Variants in NSUN3 observed in about 807,000 individuals in gnomAD.
NSUN3 encodes the protein NOP2/Sun RNA methyltransferase 3.
Under a neutral mutation model 36.8 loss-of-function variants are expected in NSUN3, and 24 were observed. The observed-to-expected ratio is 0.65, with a 90% confidence interval of 0.47 to 0.92. NSUN3 has a LOEUF of 0.92. Ranked by LOEUF, NSUN3 falls within the 40% of genes least tolerant of loss-of-function variation. The pLI is 0.00. For missense variants in NSUN3, 381 were observed against 392.8 expected (o/e 0.97, Z 0.25); for synonymous variants, 146 against 145.2 (o/e 1.01, Z -0.04).
chr3:94,107,479 G>T (rs1346929998), intron 5 of NSUN3, among the ~76,000 whole-genome samples: 2 of 151,848 alleles, frequency 1.3e-5, no homozygotes, highest in Non-Finnish European at 2.9e-5. Flanking sequence ...AGAAACAGGG[G>T]TCTCTCTATG....
chr3:94,131,570 C>T lies in NSUN3; in HGVS notation c.*5080C>T, dbSNP rs2077508499. Reference sequence around the variant, plus strand: ...AGAAGTGTGTCTTGTGATTTTGATACCCAGAAATCTCCAGTGGAGGGTATT... The same window carrying T: ...AGAAGTGTGTCTTGTGATTTTGATATCCAGAAATCTCCAGTGGAGGGTATT... On this transcript the variant is annotated 3_prime_UTR_variant, in exon 6 of 6. Transcript: ENST00000314622. Among the ~76,000 whole-genome samples, 1 of 152,182 alleles carries T rather than the reference C, an allele frequency of 6.6e-6. No homozygotes were observed. Among genetic ancestry groups the T allele is most frequent in the South Asian group, 2.1e-4 (1 of 4,828 alleles).
At chr3:94,115,539 T>C (rs1405884964) in intron 5 of NSUN3, among the ~76,000 whole-genome samples, 1 of 152,188 alleles carries the variant, frequency 6.6e-6, no homozygotes, top group Non-Finnish European at 1.5e-5. Context: ...TACCAGAAAT[T>C]GTAGGCGAGA....
chr3:94,090,143 A>G (rs1050806354), intron 3 of NSUN3, among the ~76,000 whole-genome samples: 2 of 152,152 alleles, frequency 1.3e-5, no homozygotes, highest in South Asian at 2.1e-4. Context: ...AAAGATTGCC[A>G]TGTACAAATG....
intron 3 of NSUN3, among the ~76,000 whole-genome samples, chr3:94,089,420 TA>T (rs1254389234): frequency 6.6e-6 from 1 of 152,116 alleles, no homozygotes; most frequent in Non-Finnish European, 1.5e-5. Flanking sequence ...CCCAAACAGA[TA>T]AAAACATTTG....
In NSUN3 at chr3:94,107,288, T is replaced by G. The variant is rs532813920; in HGVS notation, c.743+12134T>G. 3.3e-5 allele frequency among the ~76,000 whole-genome samples: 5 copies of G among 152,218 alleles called. No homozygotes were observed. The South Asian group carries it at 1.0e-3, about 32-fold the overall frequency. ...AGGCATATATATGTTTTGTTGTTGT[T>G]GTTTTGTTTTTGTTGTTGTTGTTTG... is the stretch of plus-strand genomic sequence containing the variant. On this transcript the variant is annotated intron_variant, in intron 5 of 5. Coordinates refer to ENST00000314622, the MANE Select transcript of NSUN3 (RefSeq NM_022072.5).
At chr3:94,094,871 G>A (rs2077331003) in intron 4 of NSUN3, among the ~76,000 whole-genome samples, 162 bp from the exon 5 acceptor site, 1 of 152,136 alleles carries the variant, frequency 6.6e-6, no homozygotes, top group Admixed American at 6.5e-5. Flanking sequence ...GTGAGGAAAT[G>A]TCATAAGGAA....
intron 2 of NSUN3, among the ~76,000 whole-genome samples, chr3:94,071,740 T>C (rs1485466508): frequency 2.0e-5 from 3 of 152,182 alleles, no homozygotes; most frequent in Admixed American, 6.5e-5. Flanking sequence ...GACCAGTAAA[T>C]GGAGCCGCTT....
chr3:94,065,977 G>T (rs1349155969), intron 2 of NSUN3, among the ~76,000 whole-genome samples: 1 of 151,814 alleles, frequency 6.6e-6, no homozygotes, highest in Non-Finnish European at 1.5e-5. Context: ...CAGAGCTGAG[G>T]CTTGTGCCTG....
At chr3:94,111,436 C>CT (rs1053333033) in intron 5 of NSUN3, among the ~76,000 whole-genome samples, 23 of 152,190 alleles carry the variant, frequency 1.5e-4, no homozygotes, top group Admixed American at 3.9e-4. Flanking sequence ...CTTACTGTAA[C>CT]TTTTTTACTT....
intron 5 of NSUN3, among the ~76,000 whole-genome samples, chr3:94,121,353 A>G (rs545523648): frequency 2.0e-5 from 3 of 152,236 alleles, no homozygotes; most frequent in African/African-American, 7.2e-5. Flanking sequence ...CCCTCTTTCA[A>G]TGATAAAGGA....
At chr3:94,092,288 G>A (rs1207452727) in intron 3 of NSUN3, among the ~76,000 whole-genome samples, 3 of 152,172 alleles carry the variant, frequency 2.0e-5, no homozygotes, top group African/African-American at 7.2e-5. Context: ...CTGAGAGACT[G>A]ACCAAAGCTC....
intron 5 of NSUN3, among the ~76,000 whole-genome samples, chr3:94,102,202 T>TA (rs5850923): frequency 0.58 from 59,391 of 101,734 alleles, 16,545 homozygotes; most frequent in African/African-American, 0.61. Context: ...AAAGAAACGT[T>TA]AAAAAAAAAA....
chr3:94,093,320 T>TAC (rs1399019491), intron 3 of NSUN3, among the ~76,000 whole-genome samples: 2 of 148,948 alleles, frequency 1.3e-5, no homozygotes, highest in Admixed American at 6.7e-5. Context: ...CATATACACA[T>TAC]ACATATACAT....
chr3:94,108,589 G>A (rs1056021366), intron 5 of NSUN3, among the ~76,000 whole-genome samples: 1 of 152,068 alleles, frequency 6.6e-6, no homozygotes, highest in East Asian at 1.9e-4. Context: ...TTGATCTCTT[G>A]ACCTTGTGAT....
At chr3:94,069,214 G>A (rs1005277013) in intron 2 of NSUN3, among the ~76,000 whole-genome samples, 2 of 152,152 alleles carry the variant, frequency 1.3e-5, no homozygotes, top group African/African-American at 4.8e-5. Flanking sequence ...CCTATCTGAG[G>A]TACAGTGAAT....
intron 5 of NSUN3, among the ~76,000 whole-genome samples, chr3:94,116,415 A>G (rs1471799023): frequency 2.6e-5 from 4 of 152,184 alleles, no homozygotes; most frequent in Non-Finnish European, 5.9e-5. Flanking sequence ...AGATCAAAAC[A>G]TTTTTTGAGG....
chr3:94,079,288 G>A lies in NSUN3; in HGVS notation c.123-4819G>A, dbSNP rs193209527. On this transcript the variant is annotated intron_variant, in intron 2 of 5. Transcript: ENST00000314622. ...TCTTCTGGCTTGTACAATTTCTGCC[G>A]AGAGATCCACTGTTAGTCTGATGCG... is the stretch of plus-strand genomic sequence containing the variant. Among the ~76,000 whole-genome samples, 32 of 152,234 alleles carry A rather than the reference G, an allele frequency of 2.1e-4. No individual in the cohort carries two copies. The East Asian group carries it at 2.5e-3, about 12-fold the overall frequency.
chr3:94,114,676 G>C (rs749465351), intron 5 of NSUN3, among the ~76,000 whole-genome samples: 2 of 152,108 alleles, frequency 1.3e-5, no homozygotes. Context: ...GATGTGTTGC[G>C]TGATGCCGAG....
At chr3:94,079,536 C>G (rs1046048330) in intron 2 of NSUN3, among the ~76,000 whole-genome samples, 1 of 152,134 alleles carries the variant, frequency 6.6e-6, no homozygotes, top group Non-Finnish European at 1.5e-5. Context: ...CAACTTGTTT[C>G]ATTCTCCCTG....
Sources: allele counts gnomAD v4.1 joint callset (sites outside exome capture counted in the v4.1 genomes callset), GRCh38; gene constraint gnomAD v4.1.1; transcripts MANE v1.5; gene names NCBI Gene and HGNC (gene_info 2026-07-23, HGNC 2026-07-21).